The following ASIC2 variants were observed in gnomAD, a reference collection of about 807,000 sequenced individuals.
ASIC2 encodes acid sensing ion channel subunit 2.
ASIC2 carries 25 observed loss-of-function variants against 57.3 expected under a neutral mutation model. The observed-to-expected ratio is 0.44, with a 90% CI of 0.32 to 0.61. ASIC2 has a LOEUF of 0.61. ASIC2 is among the 20% of genes least tolerant of loss of function. The pLI is 0.06. For missense variants in ASIC2, 641 were observed against 738.1 expected, an observed-to-expected ratio of 0.87 and a Z score of 1.52; for synonymous variants, 319 against 307.5, an observed-to-expected ratio of 1.04 and a Z score of -0.39.
intron 1 of ASIC2, among the ~76,000 whole-genome samples, chr17:33,354,744 C>T (rs1407705818): frequency 3.3e-5 from 5 of 152,150 alleles, no homozygotes; most frequent in Non-Finnish European, 7.4e-5. Flanking sequence ...GGTTTCCACT[C>T]CTATGGCAGC....
intron 1 of ASIC2, among the ~76,000 whole-genome samples, chr17:33,129,937 G>A (rs780426617): frequency 2.0e-5 from 3 of 152,202 alleles, no homozygotes; most frequent in Admixed American, 6.5e-5. Context: ...GCCACTGGGC[G>A]GCTGAACAGC....
chr17:33,341,781 T>G (rs1907729955), intron 1 of ASIC2, among the ~76,000 whole-genome samples: 1 of 152,186 alleles, frequency 6.6e-6, no homozygotes, highest in African/African-American at 2.4e-5. Flanking sequence ...GATACACAGT[T>G]GAGAAACCTC....
chr17:33,843,850 TG>T (rs1913506025), intron 1 of ASIC2, among the ~76,000 whole-genome samples: 1 of 152,200 alleles, frequency 6.6e-6, no homozygotes, highest in Admixed American at 6.5e-5. Context: ...GCTATTTTGA[TG>T]TGTGACATTA....
At chr17:33,328,748 C>T (rs60440508) in intron 1 of ASIC2, among the ~76,000 whole-genome samples, 19,254 of 152,154 alleles carry the variant, frequency 0.13, 1,338 homozygotes, top group East Asian at 0.27. Context: ...ATAAAACCCT[C>T]GTCTCCATTT....
At chr17:33,887,014 G>T (rs542722932) in intron 1 of ASIC2, among the ~76,000 whole-genome samples, 245 of 152,260 alleles carry the variant, frequency 1.6e-3, no homozygotes, top group African/African-American at 5.7e-3. Context: ...GAGCAGGAGA[G>T]AGCCGACTGT....
Position 33,988,852 on chromosome 17 carries a change from G to A in ASIC2, c.555+167126C>T, listed in dbSNP as rs926697122. Among the ~76,000 whole-genome samples, 5 of 152,088 alleles carry A rather than the reference G, an allele frequency of 3.3e-5. No individual in the cohort carries two copies. The South Asian group carries it at 8.3e-4, about 25-fold the overall frequency. The stretch of plus-strand genomic sequence containing the variant: ...ACAGTGACTGGTTGGGAGCAGGAAA[G>A]CCCAGCAACCTTGCCCAGAGCAGGG... On this transcript the variant is annotated intron_variant, in intron 1 of 9. Coordinates refer to the ASIC2 transcript ENST00000359872.
chr17:33,870,431 A>C (rs1338743829), intron 1 of ASIC2, among the ~76,000 whole-genome samples: 2 of 151,546 alleles, frequency 1.3e-5, no homozygotes, highest in East Asian at 3.9e-4. Flanking sequence ...AGCCCACAAC[A>C]CTTTGCTTGA....
At chr17:33,562,892 T>G (rs1025590632) in intron 1 of ASIC2, among the ~76,000 whole-genome samples, 15 of 152,142 alleles carry the variant, frequency 9.9e-5, no homozygotes, top group Non-Finnish European at 2.2e-4. Flanking sequence ...TGGGCCTGAG[T>G]GTCACCCTCT....
chr17:33,323,703 G>A (rs988023768), intron 1 of ASIC2, among the ~76,000 whole-genome samples: 1 of 152,124 alleles, frequency 6.6e-6, no homozygotes, highest in South Asian at 2.1e-4. Flanking sequence ...GACAGAGTGA[G>A]ACTTCTCTCC....
chr17:33,800,435 CA>C (rs1332404878), intron 1 of ASIC2, among the ~76,000 whole-genome samples: 3 of 152,062 alleles, frequency 2.0e-5, no homozygotes, highest in Admixed American at 2.0e-4. Flanking sequence ...TACGAATTCC[CA>C]AAAAAGTTGC....
chr17:33,174,581 C>T (rs898833311), intron 1 of ASIC2, among the ~76,000 whole-genome samples: 4 of 152,218 alleles, frequency 2.6e-5, no homozygotes, highest in African/African-American at 4.8e-5. Context: ...TTAGTGGGGG[C>T]GCGATGGGCT....
At chr17:33,376,687 C>T (rs1909288925) in intron 1 of ASIC2, among the ~76,000 whole-genome samples, 1 of 152,160 alleles carries the variant, frequency 6.6e-6, no homozygotes, top group Non-Finnish European at 1.5e-5. Context: ...TGATCTTGAC[C>T]ATTTCACTAC....
intron 1 of ASIC2, among the ~76,000 whole-genome samples, chr17:34,036,099 A>G (rs915645677): frequency 6.6e-6 from 1 of 152,124 alleles, no homozygotes; most frequent in Non-Finnish European, 1.5e-5. Flanking sequence ...AATATTCACA[A>G]TAGCAAAGAC....
At chr17:34,064,069 A>C (rs1211693587) in intron 1 of ASIC2, among the ~76,000 whole-genome samples, 1 of 152,152 alleles carries the variant, frequency 6.6e-6, no homozygotes, top group East Asian at 1.9e-4. Flanking sequence ...ACCTAGCCAA[A>C]GCAAGACTAA....
chr17:34,014,080 A>G (rs566483191), intron 1 of ASIC2, among the ~76,000 whole-genome samples: 3 of 152,304 alleles, frequency 2.0e-5, no homozygotes, highest in Admixed American at 6.5e-5. Context: ...CTCTTGGTTC[A>G]TTACTGGACA....
Position 33,382,545 on chromosome 17 carries a change from A to C in ASIC2, c.556-270478T>G, listed in dbSNP as rs571056713. ...GCCCCATACTATGTGAAGTCACATAAGGAAAATAGGAAGGTGCCCATCATG... is the reference window on the plus strand; with the variant it reads ...GCCCCATACTATGTGAAGTCACATACGGAAAATAGGAAGGTGCCCATCATG... On this transcript the variant is annotated intron_variant, in intron 1 of 9. Transcript: ENST00000359872. 5.3e-5 allele frequency among the ~76,000 whole-genome samples: 8 copies of C among 152,320 alleles called. No individual in the cohort carries two copies. In the South Asian group the frequency reaches 1.2e-3, roughly 24 times the overall value.
rs535169558 is a variant in ASIC2 at position 33,784,690 on chromosome 17, A to T, written c.555+371288T>A. ...ACATTTTTTTCATACTTAGTCCAAA[A>T]TCTGGTTTGTATTTTATACCTATAG... is the stretch of plus-strand genomic sequence containing the variant. On this transcript the variant is annotated intron_variant, in intron 1 of 9. Transcript: ENST00000359872. 5.9e-5 allele frequency among the ~76,000 whole-genome samples: 9 copies of T among 152,312 alleles called. No homozygotes were observed. In the East Asian group the frequency reaches 1.5e-3, roughly 26 times the overall value.
At chr17:33,290,424 C>A (rs758079917) in intron 1 of ASIC2, among the ~76,000 whole-genome samples, 1 of 152,246 alleles carries the variant, frequency 6.6e-6, no homozygotes, top group Non-Finnish European at 1.5e-5. Flanking sequence ...CATTTACACA[C>A]GAATGGCTGG....
intron 1 of ASIC2, among the ~76,000 whole-genome samples, chr17:34,019,520 A>T (rs1389494530): frequency 6.6e-6 from 1 of 152,260 alleles, no homozygotes; most frequent in African/African-American, 2.4e-5. Context: ...ATCAACACTG[A>T]GGCAAGACCC....
Sources: allele counts gnomAD v4.1 joint callset (sites outside exome capture counted in the v4.1 genomes callset), GRCh38; gene constraint gnomAD v4.1.1; transcripts MANE v1.5; gene names NCBI Gene and HGNC (gene_info 2026-07-23, HGNC 2026-07-21).